Variants in GK5 observed in about 807,000 individuals in gnomAD.
GK5 encodes the protein ATP:glycerol 3-phosphotransferase 5.
In GK5, 39 loss-of-function variants were observed where a neutral mutation model predicts 77.3. The observed-to-expected ratio is 0.50, with a 90% CI of 0.39 to 0.66. The LOEUF (loss-of-function observed/expected upper bound fraction) is 0.66. GK5 is among the 30% of genes least tolerant of loss of function. The pLI, the probability that GK5 is intolerant of heterozygous loss-of-function variation, is 0.00. For missense variants in GK5, 487 were observed against 633.8 expected (o/e 0.77, Z 2.49); for synonymous variants, 211 against 208.0 (o/e 1.01, Z -0.13).
At chr3:142,200,096 T>TACAC (rs1403221930) in intron 4 of GK5, among the ~76,000 whole-genome samples, 14 of 147,750 alleles carry the variant, frequency 9.5e-5, no homozygotes, top group African/African-American at 3.7e-4. Flanking sequence ...TCTATATATA[T>TACAC]ATACACACAC....
At chr3:142,209,713 G>C (rs1184868560) in intron 3 of GK5, among the ~76,000 whole-genome samples, 1 of 152,186 alleles carries the variant, frequency 6.6e-6, no homozygotes, top group African/African-American at 2.4e-5. Flanking sequence ...GGAATATAGA[G>C]TAATTTGTGT....
At chr3:142,223,626 G>A (rs1473073018) in intron 1 of GK5, among the ~76,000 whole-genome samples, 3 of 152,192 alleles carry the variant, frequency 2.0e-5, no homozygotes, top group Non-Finnish European at 4.4e-5. Flanking sequence ...TTCACCTGAG[G>A]TCAAGAGTTC....
At chr3:142,216,589 G>A (rs901329579) in intron 1 of GK5, among the ~76,000 whole-genome samples, 11 of 152,042 alleles carry the variant, frequency 7.2e-5, no homozygotes, top group Non-Finnish European at 1.5e-4. Context: ...CAGCCGAGTG[G>A]AGTAATAAAA....
intron 5 of GK5, among the ~76,000 whole-genome samples, chr3:142,190,639 A>C (rs7623942): frequency 0.5 from 75,469 of 152,038 alleles, 21,453 homozygotes; most frequent in African/African-American, 0.79. Flanking sequence ...AAATTCAATA[A>C]CCATTCATAA....
chr3:142,184,341 A>G (rs1215663508), intron 9 of GK5, among the ~76,000 whole-genome samples: 1 of 151,194 alleles, frequency 6.6e-6, no homozygotes, highest in Non-Finnish European at 1.5e-5. Context: ...TTTCATTTTC[A>G]ACTAACATTT....
rs779839236 is a variant in GK5, at chr3:142,183,059, A to C, written c.817-10T>G. The C allele has an allele frequency of 1.2e-5, 20 of 1,613,266 alleles. No homozygotes were observed. Among genetic ancestry groups the C allele is most frequent in the Non-Finnish European group, 1.4e-5 (17 of 1,179,664 alleles). The stretch of plus-strand genomic sequence containing the variant: ...ATTGCTGGTCAGCAACCTACCAAAA[A>C]TGTTCAAATGTAAACCCATTGCCCT... On this transcript the variant is annotated splice_polypyrimidine_tract_variant and intron_variant, in intron 9 of 15. Coordinates refer to ENST00000392993, the MANE Select transcript of GK5 (RefSeq NM_001039547.3).
At chr3:142,177,115 G>A (rs1421694945) in intron 12 of GK5, among the ~76,000 whole-genome samples, 1 of 152,142 alleles carries the variant, frequency 6.6e-6, no homozygotes, top group Non-Finnish European at 1.5e-5. Flanking sequence ...AGTAAAGAAT[G>A]CAAATTTACT....
intron 4 of GK5, among the ~76,000 whole-genome samples, chr3:142,201,290 C>G (rs2064017471): frequency 6.6e-6 from 1 of 152,160 alleles, no homozygotes; most frequent in African/African-American, 2.4e-5. Context: ...GAATACAACT[C>G]AGCAACAGAA....
intron 9 of GK5, among the ~76,000 whole-genome samples, chr3:142,184,028 G>T (rs568285606): frequency 7.2e-5 from 11 of 151,824 alleles, no homozygotes; most frequent in Non-Finnish European, 1.6e-4. Flanking sequence ...GGAGGCCGAG[G>T]TGGGCAAATC....
intron 4 of GK5, among the ~76,000 whole-genome samples, chr3:142,201,858 T>C (rs1284106522): frequency 6.6e-6 from 1 of 152,146 alleles, no homozygotes; most frequent in East Asian, 1.9e-4. Flanking sequence ...ATTTTCAGTT[T>C]AAAAAATGTG....
At chr3:142,170,016 T>C (rs1411730151) in intron 15 of GK5, among the ~76,000 whole-genome samples, 5 of 152,136 alleles carry the variant, frequency 3.3e-5, no homozygotes, top group Non-Finnish European at 5.9e-5. Flanking sequence ...AATTTTTTTC[T>C]TTAACACTAT....
chr3:142,188,058 G>GT (rs546175019), intron 5 of GK5, among the ~76,000 whole-genome samples: 235 of 148,394 alleles, frequency 1.6e-3, no homozygotes, highest in African/African-American at 5.2e-3. Context: ...GTTTTTTGTT[G>GT]TTTTTTTTTT....
chr3:142,196,125 T>C (rs1191976318), intron 5 of GK5, among the ~76,000 whole-genome samples: 4 of 152,198 alleles, frequency 2.6e-5, no homozygotes, highest in African/African-American at 7.2e-5. Flanking sequence ...CACTTGTTCA[T>C]GGTATTGCCT....
intron 1 of GK5, among the ~76,000 whole-genome samples, chr3:142,221,666 T>A (rs1467499685): frequency 2.0e-5 from 3 of 152,192 alleles, no homozygotes; most frequent in Non-Finnish European, 1.5e-5. Flanking sequence ...TAGTTTCTCA[T>A]AATGGCATGA....
chr3:142,217,314 G>C (rs2064286995), intron 1 of GK5, among the ~76,000 whole-genome samples: 1 of 151,494 alleles, frequency 6.6e-6, no homozygotes, highest in Non-Finnish European at 1.5e-5. Flanking sequence ...ATTTTAAAAA[G>C]AAAGAAAAAA....
intron 5 of GK5, among the ~76,000 whole-genome samples, chr3:142,193,598 TATAAG>T (rs759644510): frequency 2.0e-5 from 3 of 152,228 alleles, no homozygotes; most frequent in Admixed American, 6.5e-5. Flanking sequence ...AATCCATGTA[TATAAG>T]ATGTCTTTCC....
chr3:142,191,020 A>G (rs1351125472), intron 5 of GK5, among the ~76,000 whole-genome samples: 1 of 151,972 alleles, frequency 6.6e-6, no homozygotes, highest in Admixed American at 6.6e-5. Flanking sequence ...CTATATTTCT[A>G]AAGACCAGCC....
chr3:142,188,764 G>A (rs1052885526), intron 5 of GK5, among the ~76,000 whole-genome samples: 5 of 152,124 alleles, frequency 3.3e-5, no homozygotes, highest in Admixed American at 2.0e-4. Flanking sequence ...TGTTGCCTAC[G>A]GCTGCTTTCA....
chr3:142,197,657 C>A (rs957788832), intron 5 of GK5, among the ~76,000 whole-genome samples: 1 of 152,030 alleles, frequency 6.6e-6, no homozygotes, highest in Non-Finnish European at 1.5e-5. Context: ...ATAAAAAGTC[C>A]TCTGATCACA....
Sources: gnomAD v4.1 joint callset for allele counts (sites outside exome capture counted in the v4.1 genomes callset) on GRCh38, gnomAD v4.1.1 for gene constraint, MANE v1.5 for transcripts, NCBI Gene and HGNC (gene_info 2026-07-23, HGNC 2026-07-21) for gene names.